Variants in TNNI3K observed in about 807,000 individuals in gnomAD.
TNNI3K encodes the protein serine/threonine-protein kinase TNNI3K.
Under a neutral mutation model 114.5 loss-of-function variants are expected in TNNI3K, and 140 were observed. The ratio of observed to expected loss-of-function variants is 1.22; its 90% CI spans 1.07 to 1.41. The LOEUF is 1.41. Among genes scored for constraint, TNNI3K ranks in the 40% most tolerant of loss-of-function variants. The probability of loss-of-function intolerance (pLI) is 0.00; values close to 1 mark genes in which losing one functional copy is unlikely to be tolerated. For missense variants in TNNI3K, 1,125 were observed against 1,007.6 expected (o/e 1.12, Z -1.58); for synonymous variants, 347 against 347.5 (o/e 1.00, Z 0.02).
chr1:74,342,842 T>C lies in TNNI3K; in HGVS notation c.683T>C (p.Val228Ala), dbSNP rs751553371. 1 of 1,613,546 alleles carries C rather than the reference T, an allele frequency of 6.2e-7. No individual in the cohort carries two copies. The highest frequency in any genetic ancestry group is 1.7e-5 in the Admixed American group (1 of 59,936). ...TCTTTTTCTTTCTTGCTGATAACAG[T>C]GAATGCTCAAGATAATGAAGACCAT... is the stretch of plus-strand genomic sequence containing the variant. ...LLMEEGSKAD[V>A]NAQDNEDHVP... The change falls in exon 8 of 25, where the codon GTG (valine) becomes GCG (alanine). Residue 228 changes from valine to alanine, a missense_variant and splice_region_variant. Physicochemically the swap from Val to Ala is moderately conservative, Grantham distance 64. Transcript: ENST00000326637.
At chr1:74,299,796 A>G (rs956793193) in intron 5 of TNNI3K, among the ~76,000 whole-genome samples, 2 of 152,114 alleles carry the variant, frequency 1.3e-5, no homozygotes, top group Non-Finnish European at 2.9e-5. Flanking sequence ...TTTGGAGAGG[A>G]TGCTGAAGAG....
At chr1:74,249,353 T>A (rs1279060580) in intron 2 of TNNI3K, 106 bp from the exon 3 acceptor site, 3 of 1,146,510 alleles carry the variant, frequency 2.6e-6, no homozygotes, top group African/African-American at 3.1e-5. Flanking sequence ...TTAGAAAAAA[T>A]ACATTTCTGA....
chr1:74,542,267 G>A (rs1484992443), intron 24 of TNNI3K, among the ~76,000 whole-genome samples: 1 of 152,190 alleles, frequency 6.6e-6, no homozygotes, highest in African/African-American at 2.4e-5. Flanking sequence ...TGGGGCAAGA[G>A]GCACTGGAAC....
intron 5 of TNNI3K, among the ~76,000 whole-genome samples, chr1:74,279,206 G>A (rs900361970): frequency 6.6e-6 from 1 of 152,008 alleles, no homozygotes; most frequent in Non-Finnish European, 1.5e-5. Context: ...CTCTTACCTG[G>A]GTATTGGACA....
At chr1:74,399,182 C>T (rs1004582887) in intron 17 of TNNI3K, among the ~76,000 whole-genome samples, 1 of 142,580 alleles carries the variant, frequency 7.0e-6, no homozygotes, top group African/African-American at 2.6e-5. Flanking sequence ...AAAAAAAACA[C>T]CCAAAAGCAA....
At chr1:74,524,997 A>G (rs1646484794) in intron 23 of TNNI3K, among the ~76,000 whole-genome samples, 1 of 152,212 alleles carries the variant, frequency 6.6e-6, no homozygotes, top group Non-Finnish European at 1.5e-5. Context: ...GCATTCAATT[A>G]TATAGTAAGT....
In TNNI3K at chr1:74,449,901, G is replaced by A. The variant is rs541654388; in HGVS notation, c.2011+10279G>A. On this transcript the variant is annotated intron_variant, in intron 20 of 24. Transcript: ENST00000326637. The stretch of plus-strand genomic sequence containing the variant: ...AATTGAACTCAGCTCTGCACCAAGC[G>A]GACCTAATAGACATCTACAGAACTC... Among the ~76,000 whole-genome samples, 987 of 123,706 alleles carry A rather than the reference G, an allele frequency of 8.0e-3. 7 individuals carry two copies. The highest frequency in any genetic ancestry group is 0.013 in the Admixed American group (153 of 11,396). The allele number at this position is 123,706 out of a possible 152,430, so 81.2% of individuals were successfully genotyped here. A position where few individuals can be genotyped will look rare whatever the true frequency, so the allele number is the denominator to read the frequency against.
At chr1:74,372,016 T>C (rs1192393746) in intron 17 of TNNI3K, 1 of 149,796 alleles carries the variant, frequency 6.7e-6, no homozygotes, top group African/African-American at 2.5e-5. Context: ...AGCTTGAGGA[T>C]CATTACCCAT....
intron 23 of TNNI3K, among the ~76,000 whole-genome samples, chr1:74,516,344 A>G (rs1029286567): frequency 6.6e-6 from 1 of 152,212 alleles, no homozygotes; most frequent in African/African-American, 2.4e-5. Flanking sequence ...ATGTTGCTAA[A>G]TGATGAAAAT....
At chr1:74,350,181 T>C (rs1011133413) in intron 9 of TNNI3K, among the ~76,000 whole-genome samples, 6 of 152,234 alleles carry the variant, frequency 3.9e-5, no homozygotes, top group Admixed American at 1.3e-4. Context: ...GTCTTTGTTC[T>C]CGTTGGTTTC....
At chr1:74,474,448 T>C (rs1489398706) in intron 21 of TNNI3K, among the ~76,000 whole-genome samples, 1 of 152,132 alleles carries the variant, frequency 6.6e-6, no homozygotes, top group East Asian at 1.9e-4. Context: ...GTTTTATTCT[T>C]ATCCAGTCGC....
chr1:74,385,886 A>G (rs1663448799), intron 17 of TNNI3K, among the ~76,000 whole-genome samples: 1 of 152,218 alleles, frequency 6.6e-6, no homozygotes, highest in South Asian at 2.1e-4. Flanking sequence ...TAGAGTATTT[A>G]TATATCATCT....
chr1:74,368,037 T>C (rs1310475193), intron 13 of TNNI3K, 73 bp downstream of exon 13: 1 of 1,400,304 alleles, frequency 7.1e-7, no homozygotes, highest in African/African-American at 1.5e-5. Context: ...AATTTTCAAT[T>C]TTGTTTTACA....
chr1:74,520,255 T>C (rs1307441634), intron 23 of TNNI3K, among the ~76,000 whole-genome samples: 1 of 152,146 alleles, frequency 6.6e-6, no homozygotes, highest in Admixed American at 6.6e-5. Flanking sequence ...TTTCAAAAAA[T>C]TGACTCAACT....
At chr1:74,363,291 C>T (rs570705509) in intron 11 of TNNI3K, among the ~76,000 whole-genome samples, 1 of 152,036 alleles carries the variant, frequency 6.6e-6, no homozygotes, top group East Asian at 2.0e-4. Flanking sequence ...TGGAAAATTT[C>T]CCATACGTGG....
intron 20 of TNNI3K, among the ~76,000 whole-genome samples, chr1:74,452,421 A>C: frequency 6.6e-6 from 1 of 152,136 alleles, no homozygotes; most frequent in East Asian, 1.9e-4. Context: ...CTTCAAAGTC[A>C]TCCTTGACTC....
At chr1:74,295,243 A>G (rs376634362) in intron 5 of TNNI3K, among the ~76,000 whole-genome samples, 8 of 152,170 alleles carry the variant, frequency 5.3e-5, no homozygotes, top group Non-Finnish European at 1.2e-4. Context: ...TATTATTGCA[A>G]TGTTTCAAAA....
intron 17 of TNNI3K, among the ~76,000 whole-genome samples, chr1:74,388,649 T>G (rs1663610723): frequency 1.3e-5 from 2 of 152,210 alleles, no homozygotes; most frequent in African/African-American, 2.4e-5. Context: ...ATCCTACTTT[T>G]AACTTTATAT....
intron 21 of TNNI3K, 101 bp downstream of exon 21, chr1:74,463,651 T>C: frequency 7.4e-7 from 1 of 1,343,018 alleles, no homozygotes; most frequent in East Asian, 2.4e-5. Context: ...TTTAAGACTG[T>C]CAAGGCGGGA....
Sources: gnomAD v4.1 joint callset for allele counts (sites outside exome capture counted in the v4.1 genomes callset) on GRCh38, gnomAD v4.1.1 for gene constraint, MANE v1.5 for transcripts, NCBI Gene and HGNC (gene_info 2026-07-23, HGNC 2026-07-21) for gene names.